SPEF2: variants seen among roughly 807,000 people sequenced by gnomAD.
SPEF2 encodes the protein sperm flagellar and cilia associated 2, also known as sperm flagella and cilia-associated protein 2.
A neutral mutation model predicts 224.6 loss-of-function variants in SPEF2; 187 were observed. That is an observed-to-expected ratio of 0.83 (90% CI 0.74 to 0.94). SPEF2 has a LOEUF of 0.94. Among genes scored for constraint, SPEF2 ranks in the 40% least tolerant of loss-of-function variants. The pLI, the probability that SPEF2 is intolerant of heterozygous loss-of-function variation, is 0.00. For synonymous variants in SPEF2, 715 were observed against 707.3 expected (o/e 1.01, Z -0.17); for missense variants, 2,170 against 2,135.6 (o/e 1.02, Z -0.32).
At chr5:35,656,027 G>A (rs1748906977) in intron 7 of SPEF2, among the ~76,000 whole-genome samples, 1 of 152,088 alleles carries the variant, frequency 6.6e-6, no homozygotes, top group African/African-American at 2.4e-5. Context: ...CTATTTTGGA[G>A]GTAAAATCAA....
chr5:35,781,197 C>T (rs887312518), intron 30 of SPEF2: 2 of 150,394 alleles, frequency 1.3e-5, no homozygotes, highest in Admixed American at 6.6e-5. Context: ...AAACCATTTG[C>T]CCTAGGAGCT....
chr5:35,647,219 A>G (rs1747503720), intron 5 of SPEF2, among the ~76,000 whole-genome samples: 2 of 152,078 alleles, frequency 1.3e-5, no homozygotes, highest in African/African-American at 4.8e-5. Context: ...TGAAGGTTGG[A>G]AGATTCAAGA....
rs1353287754 is a variant in SPEF2, at chr5:35,702,167, G to A, written c.2398+1415G>A. On this transcript the variant is annotated intron_variant, in intron 16 of 36. Transcript: ENST00000356031. Reference sequence around the variant, plus strand: ...CCCCCTTCCAGACCAGCAGGATCCTGGGCTGAGTGGGAGCCTAGCCACTAG... The same window carrying A: ...CCCCCTTCCAGACCAGCAGGATCCTAGGCTGAGTGGGAGCCTAGCCACTAG... 6.6e-6 allele frequency: 3 copies of A among 456,052 alleles called. No individual in the cohort carries two copies. In the East Asian group the frequency reaches 2.1e-4, roughly 32 times the overall value. 28.3% of individuals were successfully genotyped at this position (456,052 alleles called of 1,614,324 possible).
intron 21 of SPEF2, among the ~76,000 whole-genome samples, chr5:35,734,213 A>G (rs1746141023): frequency 6.6e-6 from 1 of 152,164 alleles, no homozygotes. Context: ...CTCAGATGTC[A>G]TCTTTCTCCA....
Position 35,700,726 on chromosome 5 carries a change from C to T in SPEF2, c.2372C>T (p.Ser791Leu). 6.2e-7 allele frequency: 1 copy of T among 1,613,910 alleles called. No homozygotes were observed. Among genetic ancestry groups the T allele is most frequent in the Non-Finnish European group, 8.5e-7 (1 of 1,179,880 alleles). The change falls in exon 16 of 37, where the codon TCA becomes TTA. Residue 791 changes from serine to leucine, a missense_variant. Coordinates refer to ENST00000356031, the MANE Select transcript of SPEF2 (RefSeq NM_024867.4). ...TTATTAGATGTTTCAGATACTTCCT[C>T]AATGAGTCGCATGAATGATATTATA... Reference protein sequence around the residue: ...VILLDVSDTSSMSRMNDIIAE... With the variant: ...VILLDVSDTSLMSRMNDIIAE...
intron 30 of SPEF2, among the ~76,000 whole-genome samples, chr5:35,792,021 A>T (rs1019905661): frequency 7.2e-5 from 11 of 152,002 alleles, no homozygotes; most frequent in Non-Finnish European, 1.2e-4. Flanking sequence ...ATATTTTTTA[A>T]AAATTTAGCC....
chr5:35,783,248 A>G (rs1754594258), intron 30 of SPEF2, among the ~76,000 whole-genome samples: 3 of 152,210 alleles, frequency 2.0e-5, no homozygotes, highest in South Asian at 2.1e-4. Flanking sequence ...ACCTCAGTCT[A>G]TGATGGGATG....
At chr5:35,763,790 C>T (rs1468025616) in intron 26 of SPEF2, 88 bp downstream of exon 26, 5 of 1,282,540 alleles carry the variant, frequency 3.9e-6, no homozygotes, top group East Asian at 2.5e-5. Flanking sequence ...AAAATTGACA[C>T]AATGCTCTCA....
At chr5:35,773,552 C>T (rs556231133) in intron 27 of SPEF2, among the ~76,000 whole-genome samples, 1 of 152,226 alleles carries the variant, frequency 6.6e-6, no homozygotes, top group African/African-American at 2.4e-5. Flanking sequence ...CTAATGGGGT[C>T]AGCACTATGT....
chr5:35,668,023 C>A (rs1750751718), intron 9 of SPEF2, among the ~76,000 whole-genome samples: 1 of 152,058 alleles, frequency 6.6e-6, no homozygotes, highest in Non-Finnish European at 1.5e-5. Context: ...CAAATACTGG[C>A]AAGGATCTGG....
intron 30 of SPEF2, chr5:35,781,368 G>A (rs1754316508): frequency 6.6e-6 from 1 of 152,218 alleles, no homozygotes; most frequent in African/African-American, 2.4e-5. Flanking sequence ...CAAAACTTTG[G>A]AGGGAGAAAT....
chr5:35,743,632 G>A (rs916276701), intron 23 of SPEF2, among the ~76,000 whole-genome samples: 6 of 151,846 alleles, frequency 4.0e-5, no homozygotes, highest in Non-Finnish European at 5.9e-5. Flanking sequence ...ATAAATCCTT[G>A]TATCACATTT....
chr5:35,676,338 A>G (rs1002218337), intron 10 of SPEF2, among the ~76,000 whole-genome samples: 5 of 152,162 alleles, frequency 3.3e-5, no homozygotes, highest in African/African-American at 7.2e-5. Flanking sequence ...TTTGGCAACT[A>G]CAGGAGCCAG....
intron 23 of SPEF2, 142 bp downstream of exon 23, chr5:35,740,409 C>G: frequency 9.1e-7 from 1 of 1,095,074 alleles, no homozygotes; most frequent in Non-Finnish European, 1.3e-6. Flanking sequence ...AGGTAACTTT[C>G]AAGAGCAGTG....
In SPEF2 at chr5:35,617,969, C is replaced by G; in HGVS notation, c.-29C>G. On this transcript the variant is annotated 5_prime_UTR_variant, in exon 1 of 37. Transcript: ENST00000356031. ...GGTTCCTGGCGAGTTTCTAAGCCCCCGCCTGCGGTCTGAGGCACCGGCTGA... is the reference window on the plus strand; with the variant it reads ...GGTTCCTGGCGAGTTTCTAAGCCCCGGCCTGCGGTCTGAGGCACCGGCTGA... 1 of 1,562,466 alleles carries G rather than the reference C, an allele frequency of 6.4e-7. No homozygotes were observed. The highest frequency in any genetic ancestry group is 8.7e-7 in the Non-Finnish European group (1 of 1,151,372).
chr5:35,683,182 G>A (rs571731257), intron 10 of SPEF2, among the ~76,000 whole-genome samples: 1 of 152,116 alleles, frequency 6.6e-6, no homozygotes, highest in Non-Finnish European at 1.5e-5. Context: ...ATATAGAGAG[G>A]CATGTGAGTG....
At position 35,617,933 on chromosome 5, in the gene SPEF2, C is replaced by T. The variant is rs913514040; in HGVS notation, c.-65C>T. Reference sequence around the variant, plus strand: ...GCCCTTGGCTACAGGAGGACGCGGGCTGGCAGGCTTGGTTCCTGGCGAGTT... The same window carrying T: ...GCCCTTGGCTACAGGAGGACGCGGGTTGGCAGGCTTGGTTCCTGGCGAGTT... On this transcript the variant is annotated 5_prime_UTR_variant, in exon 1 of 37. Transcript: ENST00000356031. The T allele has an allele frequency of 2.0e-6, 3 of 1,501,544 alleles. No individual in the cohort carries two copies. Among genetic ancestry groups the T allele is most frequent in the African/African-American group, 1.4e-5 (1 of 72,116 alleles). 93.0% of individuals were successfully genotyped at this position (1,501,544 alleles called of 1,614,324 possible). A position where few individuals can be genotyped will look rare whatever the true frequency, so the allele number is the denominator to read the frequency against.
chr5:35,723,530 C>T (rs1018307353), intron 20 of SPEF2, among the ~76,000 whole-genome samples: 2 of 152,172 alleles, frequency 1.3e-5, no homozygotes, highest in Non-Finnish European at 2.9e-5. Flanking sequence ...AAATCAGAAA[C>T]ATTCAATGAT....
chr5:35,662,821 G>A (rs1749928148), intron 8 of SPEF2, among the ~76,000 whole-genome samples: 1 of 152,076 alleles, frequency 6.6e-6, no homozygotes, highest in Non-Finnish European at 1.5e-5. Flanking sequence ...CTCTAGCCCT[G>A]TGTAGTGTAG....
Sources: allele counts gnomAD v4.1 joint callset (sites outside exome capture counted in the v4.1 genomes callset), GRCh38; gene constraint gnomAD v4.1.1; transcripts MANE v1.5; gene names NCBI Gene and HGNC (gene_info 2026-07-23, HGNC 2026-07-21).